CDKAL1: variants seen among roughly 807,000 people sequenced by gnomAD.
CDKAL1 encodes threonylcarbamoyladenosine tRNA methylthiotransferase.
Under a neutral mutation model 68.2 loss-of-function variants are expected in CDKAL1, and 32 were observed. That is an observed-to-expected ratio of 0.47 (90% CI 0.35 to 0.63). The LOEUF is 0.63. CDKAL1 is among the 30% of genes least tolerant of loss of function. The pLI is 0.00. For synonymous variants in CDKAL1, 234 were observed against 244.3 expected, an observed-to-expected ratio of 0.96 and a Z score of 0.39; for missense variants, 606 against 696.7, an observed-to-expected ratio of 0.87 and a Z score of 1.47.
chr6:21,061,278 C>G (rs1051576235), intron 11 of CDKAL1, among the ~76,000 whole-genome samples: 1 of 151,918 alleles, frequency 6.6e-6, no homozygotes, highest in Non-Finnish European at 1.5e-5. Context: ...GCCCATTTTG[C>G]CAGTAAATAT....
chr6:20,806,095 G>A (rs930636485), intron 8 of CDKAL1, among the ~76,000 whole-genome samples: 31 of 152,296 alleles, frequency 2.0e-4, no homozygotes, highest in African/African-American at 7.5e-4. Context: ...GGTAATAAGT[G>A]TAGTACCTGT....
chr6:20,913,713 G>A (rs1449824661), intron 9 of CDKAL1, among the ~76,000 whole-genome samples: 1 of 152,180 alleles, frequency 6.6e-6, no homozygotes, highest in Admixed American at 6.5e-5. Context: ...GTTGGTGATG[G>A]CTTATCCCTG....
At chr6:21,017,609 G>A (rs1488841457) in intron 11 of CDKAL1, among the ~76,000 whole-genome samples, 1 of 152,076 alleles carries the variant, frequency 6.6e-6, no homozygotes. Flanking sequence ...CAAAATAACC[G>A]TATTCTGTAG....
chr6:21,065,254 TG>T, intron 12 of CDKAL1, 26 bp downstream of exon 12: 1 of 1,576,662 alleles, frequency 6.3e-7, no homozygotes, highest in Non-Finnish European at 8.6e-7. Flanking sequence ...TGTAAGGTAT[TG>T]TTTTTTGCCA....
At chr6:20,667,210 T>C (rs919490723) in intron 5 of CDKAL1, among the ~76,000 whole-genome samples, 5 of 152,232 alleles carry the variant, frequency 3.3e-5, no homozygotes, top group African/African-American at 9.6e-5. Flanking sequence ...AGAGTCAGTG[T>C]TCATTAATTT....
rs183109995 is a variant in CDKAL1 at position 20,739,590 on chromosome 6, A to T, written c.443A>T (p.Tyr148Phe). 6.2e-7 allele frequency: 1 copy of T among 1,610,710 alleles called. No individual in the cohort carries two copies. Among genetic ancestry groups the T allele is most frequent in the Non-Finnish European group, 8.5e-7 (1 of 1,177,418 alleles). ...CVPQAQPRQDYLKGLSIIGVQ... is the reference protein window; with the variant it reads ...CVPQAQPRQDFLKGLSIIGVQ... Reference sequence around the variant, plus strand: ...CCTCAAGCCCAGCCTCGCCAGGACTACCTTAAGGGACTGAGTATCATTGGG... The same window carrying T: ...CCTCAAGCCCAGCCTCGCCAGGACTTCCTTAAGGGACTGAGTATCATTGGG... Residue 148 changes from tyrosine (Y) to phenylalanine (F), a missense_variant, in exon 6 of 16, where the codon TAC becomes TTC. Transcript: ENST00000274695.
intron 4 of CDKAL1, among the ~76,000 whole-genome samples, chr6:20,628,792 G>A (rs887318463): frequency 7.9e-5 from 12 of 151,618 alleles, no homozygotes; most frequent in African/African-American, 1.9e-4. Flanking sequence ...TTTAGTCTTC[G>A]TTTCAAAATA....
intron 4 of CDKAL1, among the ~76,000 whole-genome samples, chr6:20,627,945 G>A (rs1023641695): frequency 1.3e-5 from 2 of 152,090 alleles, no homozygotes; most frequent in East Asian, 1.9e-4. Context: ...TAAATTCTGT[G>A]ACCTTGCAGA....
At chr6:20,694,645 A>T (rs1232328217) in intron 5 of CDKAL1, among the ~76,000 whole-genome samples, 2 of 152,214 alleles carry the variant, frequency 1.3e-5, no homozygotes, top group Admixed American at 1.3e-4. Flanking sequence ...GGATGACCAC[A>T]TATATACCGT....
rs1354890381 is a variant in CDKAL1, at chr6:21,022,394, G to C, written c.1055+22022G>C. Among the ~76,000 whole-genome samples, 4 of 152,164 alleles carry C rather than the reference G, an allele frequency of 2.6e-5. No individual in the cohort carries two copies. The South Asian group carries it at 8.3e-4, about 32-fold the overall frequency. On this transcript the variant is annotated intron_variant, in intron 11 of 15. Transcript: ENST00000274695. ...TTATCTTCAAAACGCTCATGGATTG[G>C]CTGCTGCCCAGAGTCCTGAGAGATG... is the stretch of plus-strand genomic sequence containing the variant.
chr6:21,134,800 A>G (rs1775501795), intron 13 of CDKAL1, among the ~76,000 whole-genome samples: 1 of 152,194 alleles, frequency 6.6e-6, no homozygotes, highest in African/African-American at 2.4e-5. Flanking sequence ...AGAGTTTCAA[A>G]TATTAAGATA....
At chr6:20,735,742 T>C (rs1773162227) in intron 5 of CDKAL1, among the ~76,000 whole-genome samples, 1 of 152,246 alleles carries the variant, frequency 6.6e-6, no homozygotes. Context: ...TTGGCTGTAC[T>C]GTTTTCAAGT....
chr6:20,841,940 T>G (rs1212630488), intron 8 of CDKAL1, among the ~76,000 whole-genome samples: 1 of 152,226 alleles, frequency 6.6e-6, no homozygotes, highest in East Asian at 1.9e-4. Flanking sequence ...CTATTTGGAT[T>G]TTGCATCTTC....
chr6:21,227,247 T>A (rs1779785896), intron 15 of CDKAL1, among the ~76,000 whole-genome samples: 1 of 152,246 alleles, frequency 6.6e-6, no homozygotes, highest in Non-Finnish European at 1.5e-5. Flanking sequence ...TTTCTATTCA[T>A]GATCCCTGCT....
intron 9 of CDKAL1, among the ~76,000 whole-genome samples, chr6:20,875,070 C>T (rs536584976): frequency 2.0e-5 from 3 of 151,412 alleles, no homozygotes; most frequent in South Asian, 2.1e-4. Flanking sequence ...GAGGCCGAGG[C>T]GGGTGGATCA....
At chr6:20,949,615 T>G (rs1330578537) in intron 9 of CDKAL1, among the ~76,000 whole-genome samples, 5 of 152,168 alleles carry the variant, frequency 3.3e-5, no homozygotes, top group Non-Finnish European at 5.9e-5. Flanking sequence ...GGCATCATGA[T>G]AGGTCCTAGG....
At chr6:21,166,749 T>C (rs953370833) in intron 13 of CDKAL1, among the ~76,000 whole-genome samples, 1 of 152,088 alleles carries the variant, frequency 6.6e-6, no homozygotes, top group Non-Finnish European at 1.5e-5. Context: ...ATTTTTAAAT[T>C]TGGGATTTAA....
intron 4 of CDKAL1, among the ~76,000 whole-genome samples, chr6:20,616,197 T>G (rs1766890776): frequency 6.6e-6 from 1 of 152,138 alleles, no homozygotes; most frequent in Non-Finnish European, 1.5e-5. Flanking sequence ...TGTAGTATAG[T>G]TTGAAGTCAG....
At chr6:21,090,310 A>G (rs1772929255) in intron 12 of CDKAL1, among the ~76,000 whole-genome samples, 1 of 152,222 alleles carries the variant, frequency 6.6e-6, no homozygotes, top group African/African-American at 2.4e-5. Flanking sequence ...CATTCCTACA[A>G]TAGATGGTGT....
Sources: gnomAD v4.1 joint callset for allele counts (sites outside exome capture counted in the v4.1 genomes callset) on GRCh38, gnomAD v4.1.1 for gene constraint, MANE v1.5 for transcripts, NCBI Gene and HGNC (gene_info 2026-07-23, HGNC 2026-07-21) for gene names.